The following BBS9 variants were observed in gnomAD, a reference collection of about 807,000 sequenced individuals.
BBS9 encodes the protein protein PTHB1.
In BBS9, 89 loss-of-function variants were observed where a neutral mutation model predicts 117.7. The ratio of observed to expected loss-of-function variants is 0.76; its 90% CI spans 0.64 to 0.90. The LOEUF (loss-of-function observed/expected upper bound fraction) is 0.90, where lower values mean the gene tolerates loss of function less well. Ranked by LOEUF, BBS9 falls within the 40% of genes least tolerant of loss-of-function variation. The probability of loss-of-function intolerance (pLI) is 0.00; values close to 1 mark genes in which losing one functional copy is unlikely to be tolerated. For missense variants in BBS9, 982 were observed against 1,042.2 expected (o/e 0.94, Z 0.80); for synonymous variants, 379 against 370.9 (o/e 1.02, Z -0.25).
chr7:33,177,188 T>C (rs1797444923), intron 4 of BBS9, among the ~76,000 whole-genome samples: 1 of 152,192 alleles, frequency 6.6e-6, no homozygotes, highest in African/African-American at 2.4e-5. Flanking sequence ...TTTGTTGTTA[T>C]TTAAATAATT....
At chr7:33,355,517 A>G (rs1819461816) in intron 15 of BBS9, among the ~76,000 whole-genome samples, 1 of 151,960 alleles carries the variant, frequency 6.6e-6, no homozygotes, top group Non-Finnish European at 1.5e-5. Context: ...CATCATTTAA[A>G]AAATAGCCAT....
In BBS9 at chr7:33,582,633, A is replaced by G. The variant is rs1245153987; in HGVS notation, c.2522-22232A>G. Among the ~76,000 whole-genome samples the G allele has an allele frequency of 3.9e-5, 6 of 151,994 alleles. No homozygotes were observed. The East Asian group carries it at 9.7e-4, about 25-fold the overall frequency. On this transcript the variant is annotated intron_variant, in intron 21 of 22. Coordinates refer to ENST00000242067, the MANE Select transcript of BBS9 (RefSeq NM_198428.3). ...CTTTTGCCCTTCAGGTTCTATTTCT[A>G]CTCACTTGACCTCCTGCCCATTCAT...
At chr7:33,271,053 G>A (rs1335753086) in intron 7 of BBS9, among the ~76,000 whole-genome samples, 2 of 152,130 alleles carry the variant, frequency 1.3e-5, no homozygotes, top group Non-Finnish European at 2.9e-5. Context: ...TTGGAGGCCT[G>A]TATTCAATAT....
chr7:33,356,624 A>G (rs1819656485), intron 15 of BBS9, among the ~76,000 whole-genome samples: 1 of 151,882 alleles, frequency 6.6e-6, no homozygotes, highest in South Asian at 2.1e-4. Context: ...AATTGACCTC[A>G]TATATCAATA....
chr7:33,509,262 T>G (rs1306223414), intron 20 of BBS9, among the ~76,000 whole-genome samples: 1 of 152,188 alleles, frequency 6.6e-6, no homozygotes, highest in Non-Finnish European at 1.5e-5. Flanking sequence ...AAAGGAAACC[T>G]TTTTCATTCT....
At chr7:33,603,956 CTCTT>C in intron 21 of BBS9, among the ~76,000 whole-genome samples, 1 of 152,292 alleles carries the variant, frequency 6.6e-6, no homozygotes, top group Middle Eastern at 3.4e-3. Context: ...CTGATACCCT[CTCTT>C]TCCTCAGAAT....
chr7:33,524,892 A>G (rs1300070589), intron 20 of BBS9, among the ~76,000 whole-genome samples: 2 of 152,230 alleles, frequency 1.3e-5, no homozygotes, highest in Non-Finnish European at 2.9e-5. Context: ...ATTTAGTGCT[A>G]TAAATTTCCC....
intron 21 of BBS9, among the ~76,000 whole-genome samples, chr7:33,591,261 C>T (rs575026955): frequency 3.9e-4 from 59 of 152,098 alleles, no homozygotes; most frequent in Admixed American, 3.3e-3. Context: ...TTAACTCCTT[C>T]CCTCTATATG....
At chr7:33,576,346 C>T (rs936828331) in intron 21 of BBS9, among the ~76,000 whole-genome samples, 2 of 152,140 alleles carry the variant, frequency 1.3e-5, no homozygotes, top group Non-Finnish European at 2.9e-5. Flanking sequence ...ATCCAACTTA[C>T]AAGAGATGTG....
chr7:33,369,311 A>T (rs1450262565), intron 17 of BBS9, among the ~76,000 whole-genome samples: 1 of 152,134 alleles, frequency 6.6e-6, no homozygotes, highest in African/African-American at 2.4e-5. Flanking sequence ...TGAGACCATT[A>T]AAAAAGGCAA....
At chr7:33,630,845 T>C (rs532757116) in intron 21 of BBS9, among the ~76,000 whole-genome samples, 2 of 152,300 alleles carry the variant, frequency 1.3e-5, no homozygotes, top group African/African-American at 2.4e-5. Context: ...CAGACATTCA[T>C]CTCATAAATA....
chr7:33,364,288 A>C (rs1439877349), intron 16 of BBS9, among the ~76,000 whole-genome samples: 2 of 152,156 alleles, frequency 1.3e-5, no homozygotes, highest in Non-Finnish European at 2.9e-5. Flanking sequence ...ACTGTATTTT[A>C]GAATTTTTGT....
chr7:33,577,640 T>G (rs1310495300), intron 21 of BBS9, among the ~76,000 whole-genome samples: 1 of 152,142 alleles, frequency 6.6e-6, no homozygotes, highest in Non-Finnish European at 1.5e-5. Context: ...TAGCAAAGAC[T>G]TGGAACCAAC....
intron 5 of BBS9, among the ~76,000 whole-genome samples, chr7:33,234,817 A>T (rs1294554165): frequency 3.3e-5 from 5 of 152,106 alleles, no homozygotes; most frequent in Non-Finnish European, 5.9e-5. Context: ...TAAGGTTTGA[A>T]TGGCATAATG....
At chr7:33,136,412 T>G (rs2128063012) in intron 1 of BBS9, among the ~76,000 whole-genome samples, 1 of 152,344 alleles carries the variant, frequency 6.6e-6, no homozygotes, top group African/African-American at 2.4e-5. Context: ...AAGTGGTGAA[T>G]GCAGACATCC....
intron 19 of BBS9, among the ~76,000 whole-genome samples, chr7:33,440,521 C>T (rs1836004465): frequency 6.6e-6 from 1 of 152,112 alleles, no homozygotes; most frequent in South Asian, 2.1e-4. Context: ...TACTGTGTAG[C>T]ACATGGAAGG....
chr7:33,177,578 T>C lies in BBS9; in HGVS notation c.429T>C (p.Phe143=). ...CCTGCAATATGACCTATGGATCATT[T>C]GGTGGTGTAAAAGGTAATTTGCTTT... ...RTACNMTYGS[F]GGVKGRDLIC... The change falls in exon 5 of 23, where the codon TTT becomes TTC. Residue 143 remains phenylalanine, a synonymous_variant. Coordinates refer to ENST00000242067, the MANE Select transcript of BBS9 (RefSeq NM_198428.3). 1 of 1,611,424 alleles carries C rather than the reference T, an allele frequency of 6.2e-7. No homozygotes were observed.
At chr7:33,594,609 A>G (rs746551082) in intron 21 of BBS9, among the ~76,000 whole-genome samples, 24 of 152,120 alleles carry the variant, frequency 1.6e-4, no homozygotes, top group Admixed American at 3.3e-4. Flanking sequence ...TTTTGCCTCT[A>G]TATGACAACA....
chr7:33,340,826 C>T (rs1030645311), intron 10 of BBS9, 71 bp from the exon 11 acceptor site: 2 of 1,369,806 alleles, frequency 1.5e-6, no homozygotes, highest in African/African-American at 2.9e-5. Flanking sequence ...TATAGACAAA[C>T]CTTTAAAGAA....
Sources: gnomAD v4.1 joint callset for allele counts (sites outside exome capture counted in the v4.1 genomes callset) on GRCh38, gnomAD v4.1.1 for gene constraint, MANE v1.5 for transcripts, NCBI Gene and HGNC (gene_info 2026-07-23, HGNC 2026-07-21) for gene names.